The following NT5M variants were observed in gnomAD, a reference collection of about 807,000 sequenced individuals.
The protein encoded by NT5M is 5',3'-nucleotidase, mitochondrial.
In NT5M, 22 loss-of-function variants were observed where a neutral mutation model predicts 22.2. The observed-to-expected ratio is 0.99, with a 90% CI of 0.71 to 1.41. NT5M has a LOEUF of 1.41. Ranked by LOEUF, NT5M falls within the 40% of genes most tolerant of loss-of-function variation. The probability of loss-of-function intolerance (pLI) is 0.00; values close to 1 mark genes in which losing one functional copy is unlikely to be tolerated. For missense variants in NT5M, 322 were observed against 314.8 expected, an observed-to-expected ratio of 1.02 and a Z score of -0.17; for synonymous variants, 167 against 133.0, an observed-to-expected ratio of 1.26 and a Z score of -1.76.
chr17:17,328,336 C>T (rs145878861), intron 3 of NT5M, among the ~76,000 whole-genome samples: 157 of 152,232 alleles, frequency 1.0e-3, no homozygotes, highest in African/African-American at 3.6e-3. Context: ...CCCAGCTGTC[C>T]TCATGGTTTA....
chr17:17,329,505 A>G lies in NT5M; in HGVS notation c.429+6260A>G, dbSNP rs1457627562. On this transcript the variant is annotated intron_variant, in intron 3 of 4. Transcript: ENST00000389022. ...TTTGAAAATCCGTGTCAGGTTCTTC[A>G]TGCACAGGCATGGCATTTTACTCTG... Among the ~76,000 whole-genome samples, 3 of 152,184 alleles carry G rather than the reference A, an allele frequency of 2.0e-5. No homozygotes were observed. In the East Asian group the frequency reaches 5.8e-4, roughly 29 times the overall value.
chr17:17,315,743 GGTTTTTTTGTTT>G (rs1263393605), intron 2 of NT5M, among the ~76,000 whole-genome samples: 22,853 of 130,974 alleles, frequency 0.17, 2,124 homozygotes, highest in African/African-American at 0.23. Context: ...TCTAACTTAG[GGTTTTTTTGTTT>G]TTTTTTTTTT....
chr17:17,318,876 G>T (rs150247995), intron 2 of NT5M, among the ~76,000 whole-genome samples: 3 of 149,568 alleles, frequency 2.0e-5, no homozygotes, highest in Non-Finnish European at 4.4e-5. Context: ...AGTGAAAGAA[G>T]CCAGACACAG....
chr17:17,314,495 T>G (rs2048983466), intron 2 of NT5M, among the ~76,000 whole-genome samples: 1 of 152,146 alleles, frequency 6.6e-6, no homozygotes, highest in African/African-American at 2.4e-5. Context: ...CCCCTACATA[T>G]TTAAATATAG....
intron 3 of NT5M, among the ~76,000 whole-genome samples, chr17:17,336,680 AGC>A (rs1323639468): frequency 1.3e-5 from 2 of 151,222 alleles, no homozygotes; most frequent in South Asian, 4.2e-4. Flanking sequence ...CCACCTGAGT[AGC>A]TGGGACTACA....
chr17:17,324,461 G>A (rs2049222801), intron 3 of NT5M, among the ~76,000 whole-genome samples: 1 of 150,080 alleles, frequency 6.7e-6, no homozygotes, highest in Non-Finnish European at 1.5e-5. Flanking sequence ...TCCAGCCTGG[G>A]TGACAGAGCG....
At chr17:17,306,374 A>G (rs143557461) in intron 1 of NT5M, among the ~76,000 whole-genome samples, 169 bp from the exon 2 acceptor site, 26 of 152,204 alleles carry the variant, frequency 1.7e-4, no homozygotes, top group African/African-American at 5.8e-4. Flanking sequence ...AGGGGTTCGA[A>G]GTCCACATAC....
At chr17:17,312,730 A>G (rs1378452557) in intron 2 of NT5M, among the ~76,000 whole-genome samples, 1 of 151,708 alleles carries the variant, frequency 6.6e-6, no homozygotes, top group Non-Finnish European at 1.5e-5. Context: ...AGACTGAGGC[A>G]GGAGAATCAC....
rs1252080921 is a variant in NT5M, at chr17:17,315,829, A to G, written c.369-7356A>G. 3.0e-5 allele frequency among the ~76,000 whole-genome samples: 4 copies of G among 135,062 alleles called. No homozygotes were observed. The Admixed American group carries it at 3.8e-4, about 13-fold the overall frequency. 88.6% of individuals were successfully genotyped at this position (135,062 alleles called of 152,430 possible). ...GAGTGCAGCGGTGTGATCCCAGCTCACTGCAAGCTCCGCCTCCCGGGTTCA... is the reference window on the plus strand; with the variant it reads ...GAGTGCAGCGGTGTGATCCCAGCTCGCTGCAAGCTCCGCCTCCCGGGTTCA... On this transcript the variant is annotated intron_variant, in intron 2 of 4. Transcript: ENST00000389022.
At chr17:17,318,724 G>A (rs1020128564) in intron 2 of NT5M, among the ~76,000 whole-genome samples, 2 of 138,020 alleles carry the variant, frequency 1.4e-5, no homozygotes, top group Non-Finnish European at 3.0e-5. Flanking sequence ...AGCGGAGGTT[G>A]CAGTGAGCCG....
intron 3 of NT5M, among the ~76,000 whole-genome samples, chr17:17,332,975 A>G (rs2049418604): frequency 6.6e-6 from 1 of 152,134 alleles, no homozygotes; most frequent in Non-Finnish European, 1.5e-5. Flanking sequence ...AAAAATCCAC[A>G]GTGAATGAGA....
In NT5M at chr17:17,330,563, A is replaced by T. The variant is rs2049357936; in HGVS notation, c.429+7318A>T. 1.3e-5 allele frequency among the ~76,000 whole-genome samples: 2 copies of T among 151,828 alleles called. 1 individual carries two copies. Among genetic ancestry groups the T allele is most frequent in the South Asian group, 4.2e-4 (2 of 4,810 alleles). The stretch of plus-strand genomic sequence containing the variant: ...GCTAATTTTTGTATTTTTTGTAGAG[A>T]CAAGGTTTCACCACATTGGCCAGGC... On this transcript the variant is annotated intron_variant, in intron 3 of 4. Coordinates refer to ENST00000389022, the MANE Select transcript of NT5M (RefSeq NM_020201.4).
At position 17,345,956 on chromosome 17, in the gene NT5M, G is replaced by A. The variant is rs146383184; in HGVS notation, c.545-849G>A. The stretch of plus-strand genomic sequence containing the variant: ...TGTTGTTTCTTTGCCTCTTGGCTCT[G>A]CCCTGGCCTGGTTTTTGACATCCTC... On this transcript the variant is annotated intron_variant, in intron 4 of 4. Coordinates refer to ENST00000389022, the MANE Select transcript of NT5M (RefSeq NM_020201.4). Among the ~76,000 whole-genome samples, 6 of 152,358 alleles carry A rather than the reference G, an allele frequency of 3.9e-5. No homozygotes were observed. In the East Asian group the frequency reaches 7.7e-4, roughly 20 times the overall value.
intron 2 of NT5M, among the ~76,000 whole-genome samples, chr17:17,315,187 A>ACTTAAAC (rs2048998067): frequency 6.6e-6 from 1 of 152,222 alleles, no homozygotes; most frequent in African/African-American, 2.4e-5. Context: ...AAGGATAAGA[A>ACTTAAAC]CTTAAACCTG....
intron 2 of NT5M, among the ~76,000 whole-genome samples, chr17:17,315,185 G>T (rs1051195240): frequency 6.6e-6 from 1 of 152,128 alleles, no homozygotes; most frequent in African/African-American, 2.4e-5. Flanking sequence ...AGAAGGATAA[G>T]AACTTAAACC....
rs546857085 is a variant in NT5M, at chr17:17,311,103, G to A, written c.368+4460G>A. On this transcript the variant is annotated intron_variant, in intron 2 of 4. Coordinates refer to ENST00000389022, the MANE Select transcript of NT5M (RefSeq NM_020201.4). ...TGTAATCCCAGCACTTTGGGAGGCC[G>A]AGGCGGGTGGATCATGAGGTCAGGA... 1.5e-3 allele frequency among the ~76,000 whole-genome samples: 221 copies of A among 152,256 alleles called. 1 individual carries two copies. Among genetic ancestry groups the A allele is most frequent in the African/African-American group, 5.0e-3 (208 of 41,550 alleles).
At chr17:17,312,933 A>G (rs940653595) in intron 2 of NT5M, among the ~76,000 whole-genome samples, 1 of 152,020 alleles carries the variant, frequency 6.6e-6, no homozygotes, top group African/African-American at 2.4e-5. Context: ...TGATCACGCC[A>G]TGTACTCCTG....
At chr17:17,322,443 G>A (rs113220275) in intron 2 of NT5M, among the ~76,000 whole-genome samples, 1,631 of 152,252 alleles carry the variant, frequency 0.011, 29 homozygotes, top group African/African-American at 0.037. Context: ...AGGGGATTGC[G>A]TGGTTGGTGG....
At chr17:17,324,923 G>A (rs1214869906) in intron 3 of NT5M, among the ~76,000 whole-genome samples, 2 of 152,212 alleles carry the variant, frequency 1.3e-5, no homozygotes, top group Admixed American at 6.5e-5. Flanking sequence ...CCTGCAGCCA[G>A]TAAATGTGGA....
Sources: allele counts gnomAD v4.1 joint callset (sites outside exome capture counted in the v4.1 genomes callset), GRCh38; gene constraint gnomAD v4.1.1; transcripts MANE v1.5; gene names NCBI Gene and HGNC (gene_info 2026-07-23, HGNC 2026-07-21).